TMEM255B: variants seen among roughly 807,000 people sequenced by gnomAD.
The protein encoded by TMEM255B is transmembrane protein 255B.
In TMEM255B, 35 loss-of-function variants were observed where a neutral mutation model predicts 34.5. The observed-to-expected ratio is 1.01, with a 90% CI of 0.77 to 1.34. TMEM255B has a LOEUF of 1.34. Among genes scored for constraint, TMEM255B ranks in the 40% most tolerant of loss-of-function variants. The pLI, the probability that TMEM255B is intolerant of heterozygous loss-of-function variation, is 0.00. For missense variants in TMEM255B, 432 were observed against 433.2 expected (o/e 1.00, Z 0.02); for synonymous variants, 206 against 201.2 (o/e 1.02, Z -0.20).
intron 5 of TMEM255B, chr13:113,799,828 T>C (rs2051009227): frequency 3.2e-6 from 2 of 633,648 alleles, no homozygotes; most frequent in Admixed American, 4.4e-5. Flanking sequence ...GTGAGTGAGA[T>C]GCGGGGAGTA....
rs776877573 is a variant in TMEM255B, at chr13:113,799,451, T to A, written c.423+32T>A. ...AGGAGCACTGAGATTCATGTGGGTT[T>A]TGCTCAGCTAACCCCGCCGACCCCA... is the stretch of plus-strand genomic sequence containing the variant. On this transcript the variant is annotated intron_variant, in intron 5 of 8. Coordinates refer to ENST00000375353, the MANE Select transcript of TMEM255B (RefSeq NM_182614.4). The A allele has an allele frequency of 7.5e-6, 12 of 1,605,430 alleles. No individual in the cohort carries two copies. In the Admixed American group the frequency reaches 2.0e-4, roughly 27 times the overall value.
At chr13:113,799,212 G>A in intron 4 of TMEM255B, 127 bp from the exon 5 acceptor site, 1 of 779,956 alleles carries the variant, frequency 1.3e-6, no homozygotes. Context: ...TGTCTGGGAG[G>A]CTCAAGTTGG....
intron 3 of TMEM255B, among the ~76,000 whole-genome samples, chr13:113,779,929 T>C (rs1227461978): frequency 6.6e-6 from 1 of 152,190 alleles, no homozygotes; most frequent in Admixed American, 6.5e-5. Context: ...GTAGGACTGG[T>C]TTACTTTATT....
chr13:113,772,716 T>C (rs2050497831), intron 3 of TMEM255B, among the ~76,000 whole-genome samples: 1 of 152,222 alleles, frequency 6.6e-6, no homozygotes, highest in South Asian at 2.1e-4. Flanking sequence ...TAATTGGCCA[T>C]ACATATATGG....
intron 3 of TMEM255B, among the ~76,000 whole-genome samples, chr13:113,786,048 T>C (rs2050735409): frequency 6.6e-6 from 1 of 152,208 alleles, no homozygotes; most frequent in Non-Finnish European, 1.5e-5. Flanking sequence ...GTGCATGGAC[T>C]TCTTCAGACC....
chr13:113,808,133 G>A (rs1473619645), intron 8 of TMEM255B, among the ~76,000 whole-genome samples: 1 of 152,164 alleles, frequency 6.6e-6, no homozygotes, highest in South Asian at 2.1e-4. Flanking sequence ...TGCTTCCACA[G>A]AGATGGAGAG....
chr13:113,794,248 G>A (rs1029796608), intron 3 of TMEM255B, among the ~76,000 whole-genome samples: 1 of 152,146 alleles, frequency 6.6e-6, no homozygotes, highest in Non-Finnish European at 1.5e-5. Context: ...ACTCTGCTCG[G>A]TCGGCTCTGC....
chr13:113,791,061 A>T (rs1234003033), intron 3 of TMEM255B, among the ~76,000 whole-genome samples: 2 of 152,192 alleles, frequency 1.3e-5, no homozygotes. Flanking sequence ...ATTTTTAGGG[A>T]TGCTCTAACA....
chr13:113,808,794 G>GGGA (rs1235227812), intron 8 of TMEM255B, among the ~76,000 whole-genome samples: 2 of 102,922 alleles, frequency 1.9e-5, no homozygotes, highest in Non-Finnish European at 3.8e-5. Flanking sequence ...GTGGTTCCTG[G>GGGA]GGGGGGGGTT....
rs568905060 is a variant in TMEM255B, at chr13:113,759,850, T to A, written c.46+535T>A. 2.0e-3 allele frequency among the ~76,000 whole-genome samples: 302 copies of A among 152,282 alleles called. 1 individual carries two copies. Among genetic ancestry groups the A allele is most frequent in the African/African-American group, 6.9e-3 (285 of 41,560 alleles). On this transcript the variant is annotated intron_variant, in intron 1 of 8. Transcript: ENST00000375353. The stretch of plus-strand genomic sequence containing the variant: ...GCCCCTCTCTCGTGTTTCTCCCCGG[T>A]GTGTTCACGGAATCTCCAATTCTTC...
intron 1 of TMEM255B, among the ~76,000 whole-genome samples, chr13:113,762,925 C>T (rs931680241): frequency 2.6e-5 from 4 of 152,212 alleles, no homozygotes; most frequent in African/African-American, 9.7e-5. Flanking sequence ...TTGAGAAGGA[C>T]AGCGTTTGTC....
At chr13:113,794,978 G>C (rs11618147) in intron 3 of TMEM255B, among the ~76,000 whole-genome samples, 170 bp from the exon 4 acceptor site, 1,819 of 152,386 alleles carry the variant, frequency 0.012, 21 homozygotes, top group Non-Finnish European at 0.019. Context: ...ACGACCCGCA[G>C]GGTGGAGTCC....
intron 8 of TMEM255B, among the ~76,000 whole-genome samples, chr13:113,805,834 G>A (rs566854392): frequency 2.6e-5 from 4 of 152,306 alleles, no homozygotes; most frequent in African/African-American, 7.2e-5. Context: ...CCTGATAAAC[G>A]TGGGCTTCCT....
chr13:113,790,026 A>C (rs2050802843), intron 3 of TMEM255B, among the ~76,000 whole-genome samples: 2 of 151,278 alleles, frequency 1.3e-5, no homozygotes, highest in African/African-American at 4.9e-5. Context: ...GGGCACCTGA[A>C]CATCCTAGCG....
intron 3 of TMEM255B, among the ~76,000 whole-genome samples, chr13:113,779,969 C>A (rs946463036): frequency 6.6e-6 from 1 of 152,172 alleles, no homozygotes; most frequent in Non-Finnish European, 1.5e-5. Flanking sequence ...GTATACAGTG[C>A]AGCAAGAATA....
chr13:113,791,507 G>A (rs886802359), intron 3 of TMEM255B, among the ~76,000 whole-genome samples: 2 of 152,186 alleles, frequency 1.3e-5, no homozygotes, highest in African/African-American at 4.8e-5. Flanking sequence ...GAGCGACGTC[G>A]TGTGGACAGA....
rs55997434 is a variant in TMEM255B, at chr13:113,806,338, G to A, written c.813+1310G>A. Among the ~76,000 whole-genome samples the A allele has an allele frequency of 0.057, 8,744 of 152,140 alleles. 837 individuals carry two copies. The highest frequency in any genetic ancestry group is 0.2 in the African/African-American group (8,241 of 41,444). ...GGCTGCTGGGGGTCCCTCGCGTTCA[G>A]GGCCTGCTTGGGTCAGCCACCTTCA... is the stretch of plus-strand genomic sequence containing the variant. On this transcript the variant is annotated intron_variant, in intron 8 of 8. Coordinates refer to ENST00000375353, the MANE Select transcript of TMEM255B (RefSeq NM_182614.4). The surrounding 1 kb of genome is among the most constrained non-coding windows in gnomAD (Gnocchi z 4.2).
intron 3 of TMEM255B, among the ~76,000 whole-genome samples, chr13:113,793,751 A>G (rs2050872037): frequency 6.6e-6 from 1 of 152,252 alleles, no homozygotes; most frequent in African/African-American, 2.4e-5. Context: ...TTAAAAAAGA[A>G]GCTGCACTTT....
At chr13:113,809,254 C>T (rs1220067832) in intron 8 of TMEM255B, among the ~76,000 whole-genome samples, 3 of 106,310 alleles carry the variant, frequency 2.8e-5, no homozygotes, top group Non-Finnish European at 5.6e-5. Context: ...TGGGGGTTTA[C>T]TCTGTGGTTC....
Sources: allele counts gnomAD v4.1 joint callset (sites outside exome capture counted in the v4.1 genomes callset), GRCh38; gene constraint gnomAD v4.1.1; non-coding constraint Gnocchi (gnomAD v3.1); transcripts MANE v1.5; gene names NCBI Gene and HGNC (gene_info 2026-07-23, HGNC 2026-07-21).